Variants in PLEKHG4B observed in about 807,000 individuals in gnomAD.
PLEKHG4B encodes the protein pleckstrin homology and RhoGEF domain containing G4B, also known as pleckstrin homology domain-containing family G member 4B.
PLEKHG4B carries 111 observed loss-of-function variants against 121.3 expected under a neutral mutation model. The ratio of observed to expected loss-of-function variants is 0.92; its 90% CI spans 0.78 to 1.07. The LOEUF (loss-of-function observed/expected upper bound fraction) is 1.07. Among genes scored for constraint, PLEKHG4B ranks in the 50% least tolerant of loss-of-function variants. PLEKHG4B has a pLI of 0.00. For missense variants in PLEKHG4B, 1,831 were observed against 1,757.8 expected (o/e 1.04, Z -0.74); for synonymous variants, 738 against 725.0 (o/e 1.02, Z -0.29).
At position 171,342 on chromosome 5, in the gene PLEKHG4B, G is replaced by C. The variant is rs1238554087; in HGVS notation, c.3948G>C (p.Gln1316His). The C allele has an allele frequency of 6.2e-7, 1 of 1,612,360 alleles. No homozygotes were observed. The highest frequency in any genetic ancestry group is 1.3e-5 in the African/African-American group (1 of 74,942). Residue 1316 changes from glutamine (Q) to histidine (H), a missense_variant, in exon 16 of 20, where the codon CAG becomes CAC. Gln to His is a conservative substitution (Grantham distance 24). Transcript: ENST00000637938. ...AGGAGGCCAGCTGTGGCCTGGCCCA[G>C]GGGCAGGAGCTGGGCGAGCTCCGAG... The part of the protein sequence containing the change: ...LLKEASCGLA[Q>H]GQELGELRAA...
chr5:174,344 G>A (rs1462730147), intron 18 of PLEKHG4B, among the ~76,000 whole-genome samples: 2 of 140,790 alleles, frequency 1.4e-5, no homozygotes, highest in African/African-American at 5.4e-5. Flanking sequence ...GCCGGGGTGG[G>A]GGCTGGAGAC....
At chr5:170,494 G>C (rs1276001156) in intron 14 of PLEKHG4B, among the ~76,000 whole-genome samples, 1 of 152,096 alleles carries the variant, frequency 6.6e-6, no homozygotes, top group Non-Finnish European at 1.5e-5. Flanking sequence ...TAGAGATGGA[G>C]TTTCACCATG....
chr5:163,554 G>T lies in PLEKHG4B; in HGVS notation c.3476+6G>T. 6.4e-7 allele frequency: 1 copy of T among 1,572,130 alleles called. No individual in the cohort carries two copies. The highest frequency in any genetic ancestry group is 8.6e-7 in the Non-Finnish European group (1 of 1,159,250). On this transcript the variant is annotated splice_donor_region_variant and intron_variant, in intron 13 of 19. Transcript: ENST00000637938. ...GGGAGGCAGCAGGTGGGCAGGTGAGGTGGACGTCCCCCTCCTCTCGTCCTA... is the reference window on the plus strand; with the variant it reads ...GGGAGGCAGCAGGTGGGCAGGTGAGTTGGACGTCCCCCTCCTCTCGTCCTA...
intron 2 of PLEKHG4B, among the ~76,000 whole-genome samples, chr5:121,246 A>T (rs1220271995): frequency 6.9e-6 from 1 of 145,670 alleles, no homozygotes; most frequent in Non-Finnish European, 1.5e-5. Flanking sequence ...GACTCCGTCT[A>T]AAAAAAAAAA....
At chr5:147,585 G>C (rs537921592) in intron 6 of PLEKHG4B, among the ~76,000 whole-genome samples, 1 of 152,204 alleles carries the variant, frequency 6.6e-6, no homozygotes, top group East Asian at 1.9e-4. Flanking sequence ...TTCACAGTGC[G>C]TTGCTCTAAA....
In PLEKHG4B at chr5:162,831, T is replaced by C. The variant is rs754764871; in HGVS notation, c.2759T>C (p.Phe920Ser). ...QEATSVAAEAFPGAGVAVLKP... is the reference protein window; with the variant it reads ...QEATSVAAEASPGAGVAVLKP... ...GCTACCTCGGTGGCTGCAGAGGCCT[T>C]CCCCGGGGCAGGTGTGGCAGTGCTG... is the stretch of plus-strand genomic sequence containing the variant. Residue 920 changes from phenylalanine to serine, a missense_variant, in exon 13 of 20, where the codon TTC becomes TCC. By Grantham distance (155) the Phe-to-Ser change is radical. Transcript: ENST00000637938. 1 of 1,511,868 alleles carries C rather than the reference T, an allele frequency of 6.6e-7. No individual in the cohort carries two copies. The highest frequency in any genetic ancestry group is 8.9e-7 in the Non-Finnish European group (1 of 1,129,830). 93.7% of individuals were successfully genotyped at this position (1,511,868 alleles called of 1,614,324 possible). A position where few individuals can be genotyped will look rare whatever the true frequency, so the allele number is the denominator to read the frequency against.
rs1735067768 is a variant in PLEKHG4B at position 139,065 on chromosome 5, A to G, written c.244-418A>G. On this transcript the variant is annotated intron_variant, in intron 2 of 19. Transcript: ENST00000637938. This position sits in a 1 kb window ranked among gnomAD's most constrained non-coding sequence, Gnocchi z 5.0. Reference sequence around the variant, plus strand: ...ACAGGGAGCACCGGGAGTGCAGAGGAGGGAGCCCCCCATAGGGTGGCCCTG... The same window carrying G: ...ACAGGGAGCACCGGGAGTGCAGAGGGGGGAGCCCCCCATAGGGTGGCCCTG... Among the ~76,000 whole-genome samples the G allele has an allele frequency of 1.3e-5, 2 of 152,156 alleles. No homozygotes were observed. The highest frequency in any genetic ancestry group is 1.5e-5 in the Non-Finnish European group (1 of 68,022).
At chr5:121,273 A>C (rs1734462122) in intron 2 of PLEKHG4B, among the ~76,000 whole-genome samples, 1 of 152,098 alleles carries the variant, frequency 6.6e-6, no homozygotes, top group Admixed American at 6.5e-5. Context: ...GAAAATGGAA[A>C]TCTCCAAACT....
intron 3 of PLEKHG4B, among the ~76,000 whole-genome samples, 179 bp from the exon 4 acceptor site, chr5:142,868 G>A (rs1735267189): frequency 6.6e-6 from 1 of 152,198 alleles, no homozygotes; most frequent in African/African-American, 2.4e-5. Context: ...TGATGACGCC[G>A]CATGCCCTGT....
chr5:138,101 A>G (rs1735037260), intron 2 of PLEKHG4B, among the ~76,000 whole-genome samples: 2 of 152,250 alleles, frequency 1.3e-5, no homozygotes, highest in South Asian at 2.1e-4. Context: ...AGACGATTAA[A>G]TGACCACTTG....
chr5:179,286 G>C (rs1736859927), intron 18 of PLEKHG4B, among the ~76,000 whole-genome samples: 1 of 152,122 alleles, frequency 6.6e-6, no homozygotes, highest in Non-Finnish European at 1.5e-5. Context: ...TGTAATTTGG[G>C]TATAAATTGA....
intron 13 of PLEKHG4B, 73 bp from the exon 14 acceptor site, chr5:169,267 C>A: frequency 6.4e-7 from 1 of 1,572,912 alleles, no homozygotes; most frequent in Non-Finnish European, 8.6e-7. Context: ...GTGTTTCTGT[C>A]TCAGGCATGA....
Position 140,251 on chromosome 5 carries a change from C to T in PLEKHG4B, c.1012C>T (p.Arg338Trp), listed in dbSNP as rs987690462. ...CCTGGGCATCCCGAGCAGCAGGAGG[C>T]GGCCGCCGGGGGACCCCACTTGTGT... ...TDLGIPSSRR[R>W]PPGDPTCVQP... The change falls in exon 3 of 20, where the codon CGG becomes TGG. Residue 338 changes from arginine to tryptophan, a missense_variant. Physicochemically the swap from Arg to Trp is moderately radical, Grantham distance 101 (BLOSUM62 -3). Coordinates refer to ENST00000637938, the MANE Select transcript of PLEKHG4B (RefSeq NM_052909.5). 46 of 1,449,300 alleles carry T rather than the reference C, an allele frequency of 3.2e-5. No individual in the cohort carries two copies. The highest frequency in any genetic ancestry group is 3.6e-5 in the Non-Finnish European group (40 of 1,097,988). 89.8% of individuals were successfully genotyped at this position (1,449,300 alleles called of 1,614,324 possible).
Position 161,798 on chromosome 5 carries a change from G to A in PLEKHG4B, c.2503G>A (p.Gly835Arg). Reference protein sequence around the residue: ...EGNDQQSCQKGLQLAKENPQR... With the variant: ...EGNDQQSCQKRLQLAKENPQR... The stretch of plus-strand genomic sequence containing the variant: ...TTGGGTACAGCAATCCTGCCAGAAA[G>A]GACTACAGCTGGCGAAGGAGAACCC... The change falls in exon 12 of 20, where the codon GGA (glycine) becomes AGA (arginine). Residue 835 changes from glycine (G) to arginine (R), a missense_variant. Gly to Arg is a moderately radical substitution (Grantham distance 125, BLOSUM62 -2). Coordinates refer to ENST00000637938, the MANE Select transcript of PLEKHG4B (RefSeq NM_052909.5). 6.2e-7 allele frequency: 1 copy of A among 1,613,760 alleles called. No individual in the cohort carries two copies. Among genetic ancestry groups the A allele is most frequent in the Non-Finnish European group, 8.5e-7 (1 of 1,180,014 alleles).
At chr5:101,076 C>T (rs868168436) in intron 1 of PLEKHG4B, among the ~76,000 whole-genome samples, 119 of 77,742 alleles carry the variant, frequency 1.5e-3, no homozygotes, top group African/African-American at 3.3e-3. Flanking sequence ...CATATAAAGC[C>T]CTGGAAAAAG....
rs536439419 is a variant in PLEKHG4B at position 172,951 on chromosome 5, T to C, written c.4105T>C (p.Cys1369Arg). The change falls in exon 17 of 20, where the codon TGC becomes CGC. Residue 1369 changes from cysteine (C) to arginine (R), a missense_variant. Transcript: ENST00000637938. Reference protein sequence around the residue: ...LRCRDEFIVCCGRKKYLRHVF... With the variant: ...LRCRDEFIVCRGRKKYLRHVF... ...ATGCCGGGATGAGTTTATCGTTTGC[T>C]GCGGGAGGAAGAAGTATCTGAGGCA... is the stretch of plus-strand genomic sequence containing the variant. 4.3e-6 allele frequency: 7 copies of C among 1,614,080 alleles called. No individual in the cohort carries two copies. In the Admixed American group the frequency reaches 1.2e-4, roughly 27 times the overall value.
chr5:136,119 G>A (rs1017787382), intron 2 of PLEKHG4B, among the ~76,000 whole-genome samples: 3 of 152,070 alleles, frequency 2.0e-5, no homozygotes, highest in African/African-American at 7.2e-5. Flanking sequence ...ATATCCACAT[G>A]CAAAAGAATG....
chr5:111,603 C>G (rs945972635), intron 1 of PLEKHG4B, among the ~76,000 whole-genome samples: 1 of 152,146 alleles, frequency 6.6e-6, no homozygotes, highest in Non-Finnish European at 1.5e-5. Context: ...ACGTCTCTTC[C>G]GGGGATGGCC....
rs73022563 is a variant in PLEKHG4B at position 140,698 on chromosome 5, G to T, written c.1459G>T (p.Gly487Cys). 0.039 allele frequency: 61,734 copies of T among 1,577,258 alleles called. 1,931 individuals carry two copies. The highest frequency in any genetic ancestry group is 0.17 in the African/African-American group (12,386 of 73,494). ...TPNCVPVEGPGCTKEEDVLAS... is the reference protein window; with the variant it reads ...TPNCVPVEGPCCTKEEDVLAS... ...AAACTGTGTCCCAGTAGAGGGTCCC[G>T]GCTGCACCAAAGAGGAAGGTAAATG... The change falls in exon 3 of 20, where the codon GGC (glycine) becomes TGC (cysteine). Residue 487 changes from glycine (G) to cysteine (C), a missense_variant. Gly to Cys is a radical substitution (Grantham distance 159). Coordinates refer to ENST00000637938, the MANE Select transcript of PLEKHG4B (RefSeq NM_052909.5).
Sources: gnomAD v4.1 joint callset for allele counts (sites outside exome capture counted in the v4.1 genomes callset) on GRCh38, gnomAD v4.1.1 for gene constraint, Gnocchi (gnomAD v3.1) non-coding constraint, MANE v1.5 for transcripts, NCBI Gene and HGNC (gene_info 2026-07-23, HGNC 2026-07-21) for gene names.